Variants in SDHAF3 observed in about 807,000 individuals in gnomAD.
SDHAF3 encodes succinate dehydrogenase complex assembly factor 3.
In SDHAF3, 18 loss-of-function variants were observed where a neutral mutation model predicts 11.5. The observed-to-expected ratio is 1.56, with a 90% CI of 1.08 to 2.32. SDHAF3 has a LOEUF of 2.32. SDHAF3 is among the 30% of genes most tolerant of loss of function. The pLI is 0.00. For synonymous variants in SDHAF3, 72 were observed against 59.3 expected, an observed-to-expected ratio of 1.21 and a Z score of -0.99; for missense variants, 200 against 154.4, an observed-to-expected ratio of 1.30 and a Z score of -1.57.
In SDHAF3 at chr7:97,181,006, T is replaced by C. The variant is rs1289619020; in HGVS notation, c.175-6T>C. The C allele has an allele frequency of 1.9e-6, 3 of 1,609,676 alleles. No homozygotes were observed. The highest frequency in any genetic ancestry group is 2.5e-6 in the Non-Finnish European group (3 of 1,178,180). ...CATCTATAACCTTCATTCTTTATCT[T>C]TTTAGGTGTATGCAACAGCGTTATT... is the stretch of plus-strand genomic sequence containing the variant. On this transcript the variant is annotated splice_region_variant and splice_polypyrimidine_tract_variant and intron_variant, in intron 1 of 1. Transcript: ENST00000432641.
chr7:97,124,070 C>CCCAT (rs1791539221), intron 1 of SDHAF3, among the ~76,000 whole-genome samples: 1 of 152,118 alleles, frequency 6.6e-6, no homozygotes, highest in Admixed American at 6.5e-5. Flanking sequence ...GAAGTCTTTG[C>CCCAT]CCATGCCTAT....
At chr7:97,151,503 CT>C (rs61092979) in intron 1 of SDHAF3, among the ~76,000 whole-genome samples, 49 of 141,040 alleles carry the variant, frequency 3.5e-4, no homozygotes, top group Non-Finnish European at 3.2e-4. Context: ...ACCTTTAGTC[CT>C]TTTTTTTTTT....
chr7:97,174,719 C>T (rs889648590), intron 1 of SDHAF3, among the ~76,000 whole-genome samples: 1 of 152,174 alleles, frequency 6.6e-6, no homozygotes, highest in Admixed American at 6.5e-5. Context: ...AAGAATACCA[C>T]CGAGGTGATA....
chr7:97,175,717 A>G (rs1789669288), intron 1 of SDHAF3, among the ~76,000 whole-genome samples: 1 of 152,228 alleles, frequency 6.6e-6, no homozygotes. Flanking sequence ...TCACTGACAA[A>G]CTGGTACTAC....
At chr7:97,155,833 T>C (rs1789293182) in intron 1 of SDHAF3, among the ~76,000 whole-genome samples, 1 of 152,042 alleles carries the variant, frequency 6.6e-6, no homozygotes, top group Non-Finnish European at 1.5e-5. Flanking sequence ...TGAACTGTCT[T>C]ACAATTAGCT....
Position 97,176,815 on chromosome 7 carries a change from CAA to C in SDHAF3, c.175-4195_175-4194del, listed in dbSNP as rs540498324. ...GTGAAATATTCTCTGAAATTATGCA[CAA>C]AGTTATGAAAATTTTCAAAAATGGG... is the stretch of plus-strand genomic sequence containing the variant. On this transcript the variant is annotated intron_variant, in intron 1 of 1. Transcript: ENST00000432641. Among the ~76,000 whole-genome samples, 313 of 152,136 alleles carry C rather than the reference CAA, an allele frequency of 2.1e-3. 1 individual carries two copies. Among genetic ancestry groups the C allele is most frequent in the African/African-American group, 7.0e-3 (292 of 41,500 alleles).
chr7:97,175,026 C>CTTG (rs959171095), intron 1 of SDHAF3, among the ~76,000 whole-genome samples: 3 of 151,840 alleles, frequency 2.0e-5, no homozygotes, highest in African/African-American at 7.3e-5. Flanking sequence ...TTTTGGTTTT[C>CTTG]TTGTTGTTGT....
chr7:97,161,441 CAT>C (rs1789408042), intron 1 of SDHAF3, among the ~76,000 whole-genome samples: 1 of 152,034 alleles, frequency 6.6e-6, no homozygotes, highest in African/African-American at 2.4e-5. Context: ...TCTTATTATT[CAT>C]TTTATTATAC....
At chr7:97,140,388 C>G (rs1789011667) in intron 1 of SDHAF3, among the ~76,000 whole-genome samples, 1 of 146,890 alleles carries the variant, frequency 6.8e-6, no homozygotes, top group Admixed American at 6.8e-5. Flanking sequence ...CTCTGTCACC[C>G]AGGCTAGAGG....
chr7:97,156,579 C>T (rs1789304105), intron 1 of SDHAF3, among the ~76,000 whole-genome samples: 2 of 152,092 alleles, frequency 1.3e-5, no homozygotes, highest in African/African-American at 4.8e-5. Context: ...ATTTAACTGA[C>T]ATATCAAACT....
intron 1 of SDHAF3, among the ~76,000 whole-genome samples, chr7:97,155,661 C>T (rs1214452841): frequency 6.6e-6 from 1 of 152,140 alleles, no homozygotes; most frequent in Non-Finnish European, 1.5e-5. Context: ...GTGAGATCAT[C>T]TTTATATCCT....
intron 1 of SDHAF3, among the ~76,000 whole-genome samples, chr7:97,151,159 A>G (rs905675576): frequency 5.3e-5 from 8 of 152,156 alleles, no homozygotes; most frequent in Admixed American, 6.5e-5. Flanking sequence ...CTTTTACTGC[A>G]CACTCCGAAG....
At chr7:97,178,097 A>G (rs1011517545) in intron 1 of SDHAF3, among the ~76,000 whole-genome samples, 2 of 152,128 alleles carry the variant, frequency 1.3e-5, no homozygotes, top group African/African-American at 2.4e-5. Context: ...AGTATTATCT[A>G]TTCTTTCTGT....
In SDHAF3 at chr7:97,149,247, T is replaced by C. The variant is rs115749888; in HGVS notation, c.174+31350T>C. 9.3e-3 allele frequency among the ~76,000 whole-genome samples: 1,417 copies of C among 152,304 alleles called. 20 individuals carry two copies. The highest frequency in any genetic ancestry group is 0.032 in the African/African-American group (1,328 of 41,554). ...CCACCGTGCCTGGCTGATTTGTGTC[T>C]TTTGATATACATTTAGTCTGTGAGA... On this transcript the variant is annotated intron_variant, in intron 1 of 1. Coordinates refer to ENST00000432641, the MANE Select transcript of SDHAF3 (RefSeq NM_020186.3).
chr7:97,129,737 G>A (rs904833337), intron 1 of SDHAF3, among the ~76,000 whole-genome samples: 9 of 152,158 alleles, frequency 5.9e-5, no homozygotes, highest in Non-Finnish European at 8.8e-5. Context: ...TTCTGAGCTG[G>A]CCACTAGTCT....
At chr7:97,128,271 T>A (rs1331787229) in intron 1 of SDHAF3, among the ~76,000 whole-genome samples, 1 of 152,214 alleles carries the variant, frequency 6.6e-6, no homozygotes, top group Non-Finnish European at 1.5e-5. Context: ...ACATAGAATG[T>A]TTTCTACTTT....
At chr7:97,123,612 AC>A (rs1048861619) in intron 1 of SDHAF3, among the ~76,000 whole-genome samples, 6 of 152,172 alleles carry the variant, frequency 3.9e-5, no homozygotes, top group African/African-American at 1.4e-4. Flanking sequence ...ACTCCCACCA[AC>A]AGTGTAAAAG....
intron 1 of SDHAF3, among the ~76,000 whole-genome samples, chr7:97,128,555 A>T (rs1341756658): frequency 2.0e-5 from 3 of 152,184 alleles, no homozygotes; most frequent in South Asian, 2.1e-4. Context: ...TAGTGGTCAT[A>T]GTTCTGAAAC....
intron 1 of SDHAF3, among the ~76,000 whole-genome samples, chr7:97,127,212 G>C (rs899291968): frequency 6.6e-6 from 1 of 150,468 alleles, no homozygotes; most frequent in African/African-American, 2.4e-5. Flanking sequence ...TATTGGTCTT[G>C]CTTGGAGCTG....
Sources: allele counts gnomAD v4.1 joint callset (sites outside exome capture counted in the v4.1 genomes callset), GRCh38; gene constraint gnomAD v4.1.1; transcripts MANE v1.5; gene names NCBI Gene and HGNC (gene_info 2026-07-23, HGNC 2026-07-21).